The following CUL4B variants were observed in gnomAD, a reference collection of about 807,000 sequenced individuals.
CUL4B encodes the protein cullin-4B.
CUL4B carries 1 observed loss-of-function variant against 69.2 expected under a neutral mutation model. That is an observed-to-expected ratio of 0.01 (90% CI 0.01 to 0.07). The LOEUF (loss-of-function observed/expected upper bound fraction) is 0.07, where lower values mean the gene tolerates loss of function less well. CUL4B is among the 10% of genes least tolerant of loss of function. The pLI is 1.00. For synonymous variants in CUL4B, 237 were observed against 223.2 expected (o/e 1.06, Z -0.55); for missense variants, 328 against 638.8 (o/e 0.51, Z 5.24).
intron 9 of CUL4B, among the ~76,000 whole-genome samples, chrX:120,542,014 AAGCCAGGAGGTCAAGACC>A (rs1924022106): frequency 9.0e-6 from 1 of 111,142 alleles, no homozygotes; most frequent in Non-Finnish European, 1.9e-5. Context: ...GGATCAATTG[AAGCCAGGAGGTCAAGACC>A]AGCCTGGGCA....
chrX:120,566,369 A>ATATGTATATATATATATATG (rs1556253204), upstream of CUL4B, among the ~76,000 whole-genome samples: 1 of 56,465 alleles, frequency 1.8e-5, no homozygotes, highest in African/African-American at 5.3e-5. Context: ...ATATATATAT[A>ATATGTATATATATATATATG]TATATATATA....
At chrX:120,564,492 A>G (rs552744238), upstream of CUL4B, among the ~76,000 whole-genome samples, 99 of 111,026 alleles carry the variant, frequency 8.9e-4, 2 homozygotes, top group South Asian at 0.034. Flanking sequence ...TGTAATCCCA[A>G]CTACTCGGGA....
At chrX:120,574,676 A>G in intron 1 of CUL4B, 1 of 915,960 alleles carries the variant, frequency 1.1e-6, no homozygotes, top group South Asian at 2.0e-5. Context: ...GTCCTCTCCC[A>G]TATCTGTATA....
chrX:120,531,878 A>C (rs754507926), intron 18 of CUL4B, among the ~76,000 whole-genome samples: 18 of 111,419 alleles, frequency 1.6e-4, no homozygotes, highest in Non-Finnish European at 3.0e-4. Context: ...AGGCTCTCAT[A>C]TGCTGCTGGA....
chrX:120,564,028 C>T (rs747680906), upstream of CUL4B, among the ~76,000 whole-genome samples: 6 of 112,413 alleles, frequency 5.3e-5, no homozygotes, highest in Non-Finnish European at 1.1e-4. Context: ...TCTGGCCACG[C>T]GTGGTGGCTC....
chrX:120,574,682 G>C (rs751855056), intron 1 of CUL4B: 48 of 897,272 alleles, frequency 5.3e-5, no homozygotes, highest in Non-Finnish European at 7.9e-5. Flanking sequence ...TCCCATATCT[G>C]TATAGTGTTA....
At chrX:120,545,374 CT>C in intron 5 of CUL4B, 69 bp downstream of exon 5, 1 of 751,269 alleles carries the variant, frequency 1.3e-6, no homozygotes, top group South Asian at 2.3e-5. Flanking sequence ...AGCTTATACA[CT>C]TTCATTAGTG....
chrX:120,560,301 T>A lies in CUL4B; in HGVS notation c.338A>T (p.Asp113Val). The change falls in exon 1 of 20, where the codon GAT becomes GTT. Residue 113 changes from aspartate to valine, a missense_variant. By Grantham distance (152) the Asp-to-Val change is radical (BLOSUM62 -3). This residue lies in a region of CUL4B where 102 missense variants were observed against 122.1 expected (regional missense o/e 0.84). Coordinates refer to ENST00000371322, the MANE Select transcript of CUL4B (RefSeq NM_001079872.2). ...GGAGGATTCCTCAGCCATCTTCGCA[T>A]CAAACCCTACAAACTCCAGGGTGTC... ...FEDTLEFVGF[D>V]AKMAEESSSS... 1 of 1,211,686 alleles carries A rather than the reference T, an allele frequency of 8.3e-7. No individual in the cohort carries two copies. The highest frequency in any genetic ancestry group is 1.1e-6 in the Non-Finnish European group (1 of 895,498).
At position 120,547,225 on chromosome X, in the gene CUL4B, G is replaced by C. The variant is rs1303143977; in HGVS notation, c.687C>G (p.Leu229=). 5.1e-6 allele frequency: 6 copies of C among 1,181,852 alleles called. No homozygotes were observed. The East Asian group carries it at 1.8e-4, about 35-fold the overall frequency. The change falls in exon 3 of 20, where the codon CTC becomes CTG. Residue 229 remains leucine (L), a synonymous_variant. Transcript: ENST00000371322. ...LEELYQAVEN[L]CSYKISANLY... ...AGTTTGCAGAAATCTTGTAAGAACA[G>C]AGATTTTCTACAGCCTGCAAGGTTA... is the stretch of plus-strand genomic sequence containing the variant.
intron 10 of CUL4B, among the ~76,000 whole-genome samples, chrX:120,541,271 G>A (rs757340525): frequency 6.2e-5 from 7 of 112,025 alleles, no homozygotes; most frequent in Non-Finnish European, 1.3e-4. Context: ...AGGCCAAGGC[G>A]GGTGGATCAT....
In CUL4B at chrX:120,525,760, G is replaced by A. The variant is rs1343548768; in HGVS notation, c.*1001C>T. 1 of 111,139 alleles carries A rather than the reference G, an allele frequency of 9.0e-6. No homozygotes were observed. Among genetic ancestry groups the A allele is most frequent in the Non-Finnish European group, 1.9e-5 (1 of 52,956 alleles). 9.2% of individuals were successfully genotyped at this position (111,139 alleles called of 1,213,427 possible). On this transcript the variant is annotated 3_prime_UTR_variant, in exon 20 of 20. Transcript: ENST00000371322. The stretch of plus-strand genomic sequence containing the variant: ...TTGGGATGCTTCTAAAAAAAACTTT[G>A]GTAGAGAAAATAGGAATGCTAAATC...
chrX:120,568,029 C>A (rs1227817572), downstream of CUL4B, among the ~76,000 whole-genome samples: 1 of 112,145 alleles, frequency 8.9e-6, no homozygotes, highest in Non-Finnish European at 1.9e-5. Flanking sequence ...TTTATTCACT[C>A]ATTTGGATAA....
chrX:120,558,152 T>C lies in CUL4B; in HGVS notation c.557-113A>G, dbSNP rs762086062. On this transcript the variant is annotated intron_variant, in intron 1 of 19. Transcript: ENST00000371322. ...TAGGGTAAATTGTGATCTTTATAAC[T>C]ATTACACCTAATCATTAAAGTAACC... The C allele has an allele frequency of 1.8e-4, 85 of 485,477 alleles. 2 individuals carry two copies. In the South Asian group the frequency reaches 1.9e-3, roughly 11 times the overall value. The allele number at this position is 485,477 out of a possible 1,213,427, so 40.0% of individuals were successfully genotyped here.
upstream of CUL4B, chrX:120,560,986 T>C: frequency 2.1e-6 from 2 of 950,618 alleles, no homozygotes; most frequent in Non-Finnish European, 2.6e-6. Context: ...TCCTCCTCCT[T>C]TTCTCCCTCT....
At chrX:120,535,698 C>G in intron 16 of CUL4B, 132 bp downstream of exon 16, 1 of 371,986 alleles carries the variant, frequency 2.7e-6, no homozygotes, top group Non-Finnish European at 4.4e-6. Flanking sequence ...GAGTGAGACT[C>G]TGTCTCAAAA....
intron 1 of CUL4B, chrX:120,559,760 T>C (rs1304187199): frequency 9.6e-7 from 1 of 1,044,874 alleles, no homozygotes; most frequent in Non-Finnish European, 1.3e-6. Context: ...TAAACCTCTT[T>C]AGAATACAAA....
intron 10 of CUL4B, among the ~76,000 whole-genome samples, chrX:120,541,278 T>A (rs1923974208): frequency 8.9e-6 from 1 of 112,143 alleles, no homozygotes; most frequent in Admixed American, 9.4e-5. Flanking sequence ...GGCGGGTGGA[T>A]CATTTGAGTT....
Position 120,536,999 on chromosome X carries a change from C to T in CUL4B, c.1974G>A (p.Glu658=), listed in dbSNP as rs1236316790. ...CCATTGTCAGGATATTCACAGTTAA[C>T]TCAATATTTCCCGGAACATTCTGAT... ...MQNQNVPGNI[E]LTVNILTMGY... is the part of the protein sequence containing the mutation. The change falls in exon 15 of 20, where the codon GAG becomes GAA. Residue 658 remains glutamate (E), a synonymous_variant. Transcript: ENST00000371322. 1.7e-6 allele frequency: 2 copies of T among 1,205,094 alleles called. No homozygotes were observed. The highest frequency in any genetic ancestry group is 2.2e-6 in the Non-Finnish European group (2 of 889,788).
Position 120,551,919 on chromosome X carries a change from C to A in CUL4B, c.673-4680G>T, listed in dbSNP as rs185880914. On this transcript the variant is annotated intron_variant, in intron 2 of 19. Transcript: ENST00000371322. ...ACAAGGAATGACTGTTTACTAAGTACTCTTCATCCTATTACATGCTGGGAT... is the reference window on the plus strand; with the variant it reads ...ACAAGGAATGACTGTTTACTAAGTAATCTTCATCCTATTACATGCTGGGAT... Among the ~76,000 whole-genome samples the A allele has an allele frequency of 4.9e-3, 543 of 111,459 alleles. 4 individuals carry two copies. Among genetic ancestry groups the A allele is most frequent in the African/African-American group, 0.016 (489 of 30,703 alleles).
Sources: allele counts gnomAD v4.1 joint callset (sites outside exome capture counted in the v4.1 genomes callset), GRCh38; gene constraint gnomAD v4.1.1; regional missense constraint gnomAD v4.1.1; transcripts MANE v1.5; gene names NCBI Gene and HGNC (gene_info 2026-07-23, HGNC 2026-07-21).